Variants in GALNTL6 observed in about 807,000 individuals in gnomAD.
GALNTL6 encodes the protein polypeptide N-acetylgalactosaminyltransferase-like 6.
GALNTL6 carries 46 observed loss-of-function variants against 73.7 expected under a neutral mutation model. The observed-to-expected ratio is 0.62, with a 90% CI of 0.49 to 0.80. The LOEUF (loss-of-function observed/expected upper bound fraction) is 0.80, where lower values mean the gene tolerates loss of function less well. Ranked by LOEUF, GALNTL6 falls within the 30% of genes least tolerant of loss-of-function variation. The pLI is 0.00. For missense variants in GALNTL6, 604 were observed against 755.0 expected, an observed-to-expected ratio of 0.80 and a Z score of 2.34; for synonymous variants, 259 against 263.7, an observed-to-expected ratio of 0.98 and a Z score of 0.17.
At chr4:172,910,295 A>G (rs1459898150) in intron 8 of GALNTL6, among the ~76,000 whole-genome samples, 1 of 152,210 alleles carries the variant, frequency 6.6e-6, no homozygotes, top group Non-Finnish European at 1.5e-5. Context: ...TATGAAATTG[A>G]GTGCCAAAAA....
chr4:171,982,502 C>G (rs181573267), intron 2 of GALNTL6, among the ~76,000 whole-genome samples: 66 of 152,034 alleles, frequency 4.3e-4, no homozygotes, highest in Middle Eastern at 3.4e-3. Flanking sequence ...GTTTCACTGT[C>G]TTAGCCAGGA....
chr4:172,475,116 A>G (rs549997434), intron 5 of GALNTL6, among the ~76,000 whole-genome samples: 1 of 152,324 alleles, frequency 6.6e-6, no homozygotes, highest in East Asian at 1.9e-4. Flanking sequence ...AAAATGTTGA[A>G]ATGTTGTGAT....
At chr4:172,182,553 CA>C (rs34354883) in intron 2 of GALNTL6, among the ~76,000 whole-genome samples, 94,295 of 127,338 alleles carry the variant, frequency 0.74, 35,175 homozygotes, top group East Asian at 0.88. Flanking sequence ...TGAAAAATAC[CA>C]AAAAAAAAAA....
chr4:172,342,673 T>C (rs1416921292), intron 4 of GALNTL6, among the ~76,000 whole-genome samples: 1 of 152,228 alleles, frequency 6.6e-6, no homozygotes, highest in Non-Finnish European at 1.5e-5. Flanking sequence ...TGAATCTCTT[T>C]CATTTTTCCA....
chr4:172,737,284 G>A (rs1248302610), intron 5 of GALNTL6, among the ~76,000 whole-genome samples: 1 of 152,076 alleles, frequency 6.6e-6, no homozygotes, highest in Non-Finnish European at 1.5e-5. Context: ...ATGTCTTGCA[G>A]GTGGTCTTTA....
intron 5 of GALNTL6, among the ~76,000 whole-genome samples, chr4:172,578,852 T>C (rs1737058609): frequency 1.3e-5 from 2 of 152,210 alleles, no homozygotes; most frequent in African/African-American, 4.8e-5. Flanking sequence ...CAAATCTGCA[T>C]AAGCGTATTT....
At chr4:172,582,429 T>C (rs986610600) in intron 5 of GALNTL6, among the ~76,000 whole-genome samples, 11 of 152,154 alleles carry the variant, frequency 7.2e-5, no homozygotes, top group Non-Finnish European at 1.3e-4. Flanking sequence ...AATCTGTGAA[T>C]TTCAAGTCCC....
intron 11 of GALNTL6, among the ~76,000 whole-genome samples, chr4:173,019,757 A>T (rs1250237758): frequency 1.3e-5 from 2 of 152,158 alleles, no homozygotes; most frequent in South Asian, 2.1e-4. Context: ...CATGATTGAG[A>T]AGGTCGCTGT....
At chr4:172,770,565 AAGT>A in intron 5 of GALNTL6, among the ~76,000 whole-genome samples, 1 of 152,308 alleles carries the variant, frequency 6.6e-6, no homozygotes, top group South Asian at 2.1e-4. Context: ...ATTGGTGCAA[AAGT>A]ATAAAAAGCA....
chr4:172,260,389 G>A (rs1388458430), intron 3 of GALNTL6, among the ~76,000 whole-genome samples: 1 of 151,544 alleles, frequency 6.6e-6, no homozygotes, highest in Non-Finnish European at 1.5e-5. Context: ...TTGAGTTCTT[G>A]ATTTGATTCT....
At chr4:172,628,526 A>C (rs1343616175) in intron 5 of GALNTL6, among the ~76,000 whole-genome samples, 1 of 152,064 alleles carries the variant, frequency 6.6e-6, no homozygotes, top group Non-Finnish European at 1.5e-5. Context: ...GAGCTCAGGC[A>C]TTCAAGACCA....
chr4:172,078,660 T>C (rs571000146), intron 2 of GALNTL6, among the ~76,000 whole-genome samples: 1 of 152,320 alleles, frequency 6.6e-6, no homozygotes, highest in South Asian at 2.1e-4. Flanking sequence ...AAGCCTGATA[T>C]GTAGAACTAG....
chr4:172,451,128 G>A (rs987234111), intron 5 of GALNTL6, among the ~76,000 whole-genome samples: 1 of 152,100 alleles, frequency 6.6e-6, no homozygotes. Context: ...TATTAAATTT[G>A]CAAGCAAGCA....
intron 2 of GALNTL6, among the ~76,000 whole-genome samples, chr4:171,865,915 C>G (rs775030993): frequency 7.9e-5 from 12 of 152,092 alleles, no homozygotes; most frequent in Admixed American, 7.9e-4. Flanking sequence ...TTTTACGTAA[C>G]AAATAAGACA....
chr4:171,932,311 T>G (rs950559650), intron 2 of GALNTL6, among the ~76,000 whole-genome samples: 1 of 152,240 alleles, frequency 6.6e-6, no homozygotes, highest in African/African-American at 2.4e-5. Context: ...CAAATGAAGT[T>G]ACAATACATA....
rs114939119 is a variant in GALNTL6, at chr4:172,524,590, C to G, written c.553+175901C>G. Among the ~76,000 whole-genome samples the G allele has an allele frequency of 1.7e-3, 263 of 152,278 alleles. 1 individual carries two copies. Among genetic ancestry groups the G allele is most frequent in the African/African-American group, 5.6e-3 (231 of 41,546 alleles). ...ATATCCCGGTTCGTGAACGTTATAA[C>G]TAGTGCTGCTAGGAACATACTCGTA... is the stretch of plus-strand genomic sequence containing the variant. On this transcript the variant is annotated intron_variant, in intron 5 of 12. Coordinates refer to ENST00000506823, the MANE Select transcript of GALNTL6 (RefSeq NM_001034845.3).
At chr4:172,014,576 T>C (rs1741127114) in intron 2 of GALNTL6, among the ~76,000 whole-genome samples, 1 of 152,062 alleles carries the variant, frequency 6.6e-6, no homozygotes. Context: ...TTGTTATTTC[T>C]TTTCTTCTGC....
intron 2 of GALNTL6, among the ~76,000 whole-genome samples, chr4:172,150,797 A>G (rs1014008754): frequency 1.3e-5 from 2 of 152,226 alleles, no homozygotes; most frequent in Non-Finnish European, 2.9e-5. Context: ...ATTTTTAAGC[A>G]TACTCACCTA....
At chr4:172,636,928 A>G (rs1739719555) in intron 5 of GALNTL6, among the ~76,000 whole-genome samples, 1 of 152,142 alleles carries the variant, frequency 6.6e-6, no homozygotes, top group Non-Finnish European at 1.5e-5. Context: ...ACTCTGCTAC[A>G]CTTTACATAT....
Sources: gnomAD v4.1 joint callset for allele counts (sites outside exome capture counted in the v4.1 genomes callset) on GRCh38, gnomAD v4.1.1 for gene constraint, MANE v1.5 for transcripts, NCBI Gene and HGNC (gene_info 2026-07-23, HGNC 2026-07-21) for gene names.